Variants in CDH12 observed in about 807,000 individuals in gnomAD.
The protein encoded by CDH12 is cadherin 12.
CDH12 carries 41 observed loss-of-function variants against 74.1 expected under a neutral mutation model. The observed-to-expected ratio is 0.55, with a 90% CI of 0.43 to 0.72. CDH12 has a LOEUF of 0.72. CDH12 is among the 30% of genes least tolerant of loss of function. The pLI is 0.00. For synonymous variants in CDH12, 399 were observed against 355.0 expected (o/e 1.12, Z -1.39); for missense variants, 945 against 977.2 (o/e 0.97, Z 0.44).
At chr5:22,007,801 TATA>T (rs1295537689) in intron 5 of CDH12, among the ~76,000 whole-genome samples, 1 of 152,224 alleles carries the variant, frequency 6.6e-6, no homozygotes, top group East Asian at 1.9e-4. Flanking sequence ...AGCTAGGCTA[TATA>T]ATGTTTTGGC....
At chr5:22,590,402 T>C (rs919087139) in intron 1 of CDH12, among the ~76,000 whole-genome samples, 1 of 152,148 alleles carries the variant, frequency 6.6e-6, no homozygotes, top group African/African-American at 2.4e-5. Context: ...TATCCTATGA[T>C]TAAAAAAACA....
At chr5:21,960,486 G>C (rs1204403795) in intron 6 of CDH12, among the ~76,000 whole-genome samples, 2 of 152,096 alleles carry the variant, frequency 1.3e-5, no homozygotes, top group Admixed American at 1.3e-4. Context: ...CCTCAATTGA[G>C]CGTGGGACAG....
At chr5:22,470,323 C>T (rs188201296) in intron 2 of CDH12, among the ~76,000 whole-genome samples, 1 of 151,988 alleles carries the variant, frequency 6.6e-6, no homozygotes, top group African/African-American at 2.4e-5. Context: ...TAGCTGTACT[C>T]CCATTATTGA....
rs140397575 is a variant in CDH12, at chr5:22,428,881, C to T, written c.-427-23530G>A. On this transcript the variant is annotated intron_variant, in intron 2 of 14. Transcript: ENST00000382254. ...CCTTTAGGGATATGTTGATGATTCC[C>T]GATGACCTCAAATCAAAGTCATATG... Among the ~76,000 whole-genome samples the T allele has an allele frequency of 5.6e-3, 852 of 152,156 alleles. 9 individuals carry two copies. The highest frequency in any genetic ancestry group is 0.02 in the African/African-American group (811 of 41,532).
intron 3 of CDH12, among the ~76,000 whole-genome samples, chr5:22,308,865 GA>G (rs1738246602): frequency 1.4e-4 from 20 of 143,394 alleles, no homozygotes; most frequent in African/African-American, 3.1e-4. Context: ...GAGAGAGAGA[GA>G]GAGGAGAGAG....
chr5:22,592,284 G>C (rs535788825), intron 1 of CDH12, among the ~76,000 whole-genome samples: 2 of 152,134 alleles, frequency 1.3e-5, no homozygotes, highest in South Asian at 4.2e-4. Flanking sequence ...CTGTACTTTC[G>C]GCATGTTGCC....
intron 1 of CDH12, among the ~76,000 whole-genome samples, chr5:22,756,769 G>A (rs1462885464): frequency 6.6e-6 from 1 of 152,164 alleles, no homozygotes; most frequent in South Asian, 2.1e-4. Context: ...AGACCAGCCT[G>A]GCCAAGATGG....
At chr5:22,426,627 G>T (rs1001894766) in intron 2 of CDH12, among the ~76,000 whole-genome samples, 1 of 151,890 alleles carries the variant, frequency 6.6e-6, no homozygotes, top group Non-Finnish European at 1.5e-5. Flanking sequence ...GCTATTATAG[G>T]CATACAGATG....
At chr5:22,105,268 T>A (rs1744365449) in intron 4 of CDH12, among the ~76,000 whole-genome samples, 1 of 147,956 alleles carries the variant, frequency 6.8e-6, no homozygotes, top group African/African-American at 2.5e-5. Context: ...ATTTTTTTTA[T>A]ATTTTCAGTA....
chr5:22,399,210 CTAT>C (rs1742601846), intron 3 of CDH12, among the ~76,000 whole-genome samples: 1 of 151,734 alleles, frequency 6.6e-6, no homozygotes, highest in East Asian at 1.9e-4. Context: ...ATCTATCTAT[CTAT>C]CTATCTATCT....
chr5:22,330,975 C>T (rs879069889), intron 3 of CDH12, among the ~76,000 whole-genome samples: 11 of 151,944 alleles, frequency 7.2e-5, no homozygotes, highest in Non-Finnish European at 1.0e-4. Context: ...GCTGATGGAA[C>T]GGCCTTTGGG....
intron 1 of CDH12, among the ~76,000 whole-genome samples, chr5:22,586,141 C>G (rs1350934002): frequency 1.3e-5 from 2 of 152,040 alleles, no homozygotes; most frequent in African/African-American, 4.8e-5. Flanking sequence ...ACATATATAC[C>G]ATGGAATACT....
chr5:22,415,211 G>A (rs891511726), intron 2 of CDH12, among the ~76,000 whole-genome samples: 3 of 147,026 alleles, frequency 2.0e-5, no homozygotes, highest in Admixed American at 6.8e-5. Flanking sequence ...ATAATAAAGG[G>A]GAAAATTGAC....
At chr5:22,277,820 G>A (rs755628445) in intron 3 of CDH12, among the ~76,000 whole-genome samples, 13 of 152,126 alleles carry the variant, frequency 8.5e-5, no homozygotes, top group Non-Finnish European at 1.8e-4. Context: ...GGCAACAAGA[G>A]CGAAACTCTG....
intron 3 of CDH12, among the ~76,000 whole-genome samples, chr5:22,264,483 T>C (rs956533943): frequency 1.3e-5 from 2 of 152,150 alleles, no homozygotes; most frequent in African/African-American, 4.8e-5. Flanking sequence ...AACAGAGATA[T>C]CAGGTAAAGA....
At chr5:22,730,045 A>G (rs147275690) in intron 1 of CDH12, among the ~76,000 whole-genome samples, 1 of 151,946 alleles carries the variant, frequency 6.6e-6, no homozygotes, top group African/African-American at 2.4e-5. Context: ...AAAAACTACA[A>G]TTAAACAGGA....
In CDH12 at chr5:22,044,076, A is replaced by AG. The variant is rs527821857; in HGVS notation, c.231+34369dup. Among the ~76,000 whole-genome samples the AG allele has an allele frequency of 3.3e-3, 503 of 152,292 alleles. 8 individuals carry two copies. The highest frequency in any genetic ancestry group is 0.011 in the African/African-American group (462 of 41,546). On this transcript the variant is annotated intron_variant, in intron 5 of 14. Coordinates refer to ENST00000382254, the MANE Select transcript of CDH12 (RefSeq NM_004061.5). ...TAGCAAAAATATCCTTCAAAGACATAGAAAAAAATCCTAAAAATCACATGG... is the reference window on the plus strand; with the variant it reads ...TAGCAAAAATATCCTTCAAAGACATAGGAAAAAAATCCTAAAAATCACATGG...
At position 22,490,492 on chromosome 5, in the gene CDH12, A is replaced by G. The variant is rs142026122; in HGVS notation, c.-428+14778T>C. ...TCATATCGAGAACAGGAGAATTGAG[A>G]AAGAGAAAGTGCTGATAAATATCCC... On this transcript the variant is annotated intron_variant, in intron 2 of 14. Transcript: ENST00000382254. 3.0e-3 allele frequency among the ~76,000 whole-genome samples: 464 copies of G among 152,244 alleles called. 2 individuals carry two copies. The highest frequency in any genetic ancestry group is 0.01 in the African/African-American group (436 of 41,548).
intron 1 of CDH12, among the ~76,000 whole-genome samples, chr5:22,565,253 G>T (rs1242559819): frequency 6.6e-6 from 1 of 152,038 alleles, no homozygotes; most frequent in Non-Finnish European, 1.5e-5. Context: ...TTTCTTTTCA[G>T]TATATACCTA....
Sources: gnomAD v4.1 joint callset for allele counts (sites outside exome capture counted in the v4.1 genomes callset) on GRCh38, gnomAD v4.1.1 for gene constraint, MANE v1.5 for transcripts, NCBI Gene and HGNC (gene_info 2026-07-23, HGNC 2026-07-21) for gene names.